SPTBN1: variants seen among roughly 807,000 people sequenced by gnomAD.
SPTBN1 encodes the protein spectrin beta chain, non-erythrocytic 1.
A neutral mutation model predicts 266.4 loss-of-function variants in SPTBN1; 32 were observed. That is an observed-to-expected ratio of 0.12 (90% confidence interval 0.09 to 0.16). SPTBN1 has a LOEUF of 0.16. SPTBN1 is among the 10% of genes least tolerant of loss of function. SPTBN1 has a pLI of 1.00. For synonymous variants in SPTBN1, 1,336 were observed against 1,162.2 expected (o/e 1.15, Z -3.04); for missense variants, 2,296 against 3,067.1 (o/e 0.75, Z 5.94).
intron 2 of SPTBN1, among the ~76,000 whole-genome samples, chr2:54,534,853 C>T (rs1280357403): frequency 2.0e-5 from 3 of 152,218 alleles, no homozygotes; most frequent in African/African-American, 4.8e-5. Context: ...ACTCATCCCC[C>T]TTCCTGGCCC....
At chr2:54,644,792 G>A (rs1313911883) in intron 20 of SPTBN1, among the ~76,000 whole-genome samples, 1 of 152,186 alleles carries the variant, frequency 6.6e-6, no homozygotes, top group South Asian at 2.1e-4. Context: ...ACAGTATTAG[G>A]AGTATTGGGT....
At chr2:54,600,695 C>G (rs1314436674) in intron 3 of SPTBN1, among the ~76,000 whole-genome samples, 2 of 149,192 alleles carry the variant, frequency 1.3e-5, no homozygotes, top group East Asian at 3.9e-4. Context: ...AGTGTTTAAC[C>G]TAGTATGTTT....
Position 54,492,347 on chromosome 2 carries a change from T to G in SPTBN1, c.-47-34025T>G, listed in dbSNP as rs866880260. Among the ~76,000 whole-genome samples, 229 of 148,374 alleles carry G rather than the reference T, an allele frequency of 1.5e-3. 6 individuals carry two copies. In the South Asian group the frequency reaches 0.022, roughly 14 times the overall value. ...ATTTAGTTTGTCTGCAGTTGTTTTT[T>G]TGTTTTTTTTTTTTTTTGCTACTAT... On this transcript the variant is annotated intron_variant, in intron 1 of 35. Transcript: ENST00000356805.
chr2:54,523,848 G>C (rs1006447355), intron 1 of SPTBN1, among the ~76,000 whole-genome samples: 2 of 152,162 alleles, frequency 1.3e-5, no homozygotes, highest in African/African-American at 4.8e-5. Context: ...ACTGAACAAG[G>C]CTTTCACTAA....
chr2:54,633,276 T>C (rs765347817), intron 17 of SPTBN1, among the ~76,000 whole-genome samples: 2 of 152,216 alleles, frequency 1.3e-5, no homozygotes, highest in Non-Finnish European at 2.9e-5. Flanking sequence ...TTGGCTTGGA[T>C]AGTGCTGTAA....
At chr2:54,508,979 C>T (rs1354431270) in intron 1 of SPTBN1, among the ~76,000 whole-genome samples, 1 of 152,164 alleles carries the variant, frequency 6.6e-6, no homozygotes, top group African/African-American at 2.4e-5. Flanking sequence ...TATTTAGAGT[C>T]AGTATAAATA....
intron 1 of SPTBN1, among the ~76,000 whole-genome samples, chr2:54,518,072 A>G (rs899110024): frequency 1.3e-5 from 2 of 151,918 alleles, no homozygotes; most frequent in Non-Finnish European, 2.9e-5. Context: ...GTTGTTAATT[A>G]TCATGCCGTG....
At chr2:54,523,206 C>T (rs1006928303) in intron 1 of SPTBN1, among the ~76,000 whole-genome samples, 33 of 152,090 alleles carry the variant, frequency 2.2e-4, no homozygotes, top group Admixed American at 3.9e-4. Flanking sequence ...TATACTTACT[C>T]GATTAGATTT....
chr2:54,549,080 C>A (rs767579480), intron 2 of SPTBN1, among the ~76,000 whole-genome samples: 3 of 152,146 alleles, frequency 2.0e-5, no homozygotes, highest in Non-Finnish European at 1.5e-5. Flanking sequence ...AAGGGTAGAT[C>A]ACTTGAGGTC....
intron 2 of SPTBN1, among the ~76,000 whole-genome samples, chr2:54,565,727 TCTGCTTCACAAGATTG>T (rs1673617923): frequency 6.6e-6 from 1 of 152,206 alleles, no homozygotes; most frequent in Non-Finnish European, 1.5e-5. Flanking sequence ...AACTGCCAGG[TCTGCTTCACAAGATTG>T]TGTTGACCAG....
In SPTBN1 at chr2:54,588,455, T is replaced by TG. The variant is rs769019845; in HGVS notation, c.149-10635dup. ...ACCATCCCACACTCCCTGTGTGGGA[T>TG]GGAGTGCCTCAGGTGCTTTGGGATT... On this transcript the variant is annotated intron_variant, in intron 2 of 35. Transcript: ENST00000356805. Among the ~76,000 whole-genome samples the TG allele has an allele frequency of 1.3e-4, 20 of 152,152 alleles. 1 individual carries two copies. Among genetic ancestry groups the TG allele is most frequent in the Admixed American group, 1.3e-3 (20 of 15,282 alleles).
chr2:54,665,948 C>A lies in SPTBN1; in HGVS notation c.6693C>A (p.Asn2231Lys), dbSNP rs144956670. The change falls in exon 34 of 36, where the codon AAC (asparagine) becomes AAA (lysine). Residue 2231 changes from asparagine (N) to lysine (K), a missense_variant. Transcript: ENST00000356805. Reference sequence around the variant, plus strand: ...ACAATGTTTATTGTGTCATAAATAACCAAGAAATGGGTTTCTACAAAGATG... The same window carrying A: ...ACAATGTTTATTGTGTCATAAATAAACAAGAAATGGGTTTCTACAAAGATG... ...SWHNVYCVIN[N>K]QEMGFYKDAK... 1.9e-6 allele frequency: 3 copies of A among 1,613,946 alleles called. No individual in the cohort carries two copies. In the East Asian group the frequency reaches 6.7e-5, roughly 36 times the overall value.
At position 54,608,118 on chromosome 2, in the gene SPTBN1, C is replaced by T. The variant is rs140687087; in HGVS notation, c.301-4043C>T. The stretch of plus-strand genomic sequence containing the variant: ...TTTCCCCTGTGAGGTCCGCTCAGCA[C>T]ACACCAAGCCCAGTCTGTCTGCTGG... On this transcript the variant is annotated intron_variant, in intron 3 of 35. Coordinates refer to ENST00000356805, the MANE Select transcript of SPTBN1 (RefSeq NM_003128.3). Among the ~76,000 whole-genome samples the T allele has an allele frequency of 5.9e-5, 9 of 152,252 alleles. No individual in the cohort carries two copies. In the East Asian group the frequency reaches 1.5e-3, roughly 26 times the overall value.
chr2:54,492,211 T>A (rs1668720857), intron 1 of SPTBN1, among the ~76,000 whole-genome samples: 1 of 152,158 alleles, frequency 6.6e-6, no homozygotes, highest in Admixed American at 6.5e-5. Context: ...TTTTATACCC[T>A]TTGTTTTTAT....
In SPTBN1 at chr2:54,471,619, G is replaced by A. The variant is rs1409387576; in HGVS notation, c.-48+15101G>A. On this transcript the variant is annotated intron_variant, in intron 1 of 35. Transcript: ENST00000356805. ...ATTCCAGCAAGGCTGTGCATCAAATGTTGGAATGTGTTGGAGAACTGCCAA... is the reference window on the plus strand; with the variant it reads ...ATTCCAGCAAGGCTGTGCATCAAATATTGGAATGTGTTGGAGAACTGCCAA... Among the ~76,000 whole-genome samples, 5 of 152,124 alleles carry A rather than the reference G, an allele frequency of 3.3e-5. No homozygotes were observed. In the South Asian group the frequency reaches 6.2e-4, roughly 19 times the overall value.
intron 1 of SPTBN1, among the ~76,000 whole-genome samples, chr2:54,462,497 A>G (rs1419514663): frequency 6.6e-6 from 1 of 152,224 alleles, no homozygotes; most frequent in Non-Finnish European, 1.5e-5. Context: ...AGTATTAATG[A>G]TCTTCCTTTA....
At chr2:54,638,249 T>C (rs1679286107) in intron 18 of SPTBN1, among the ~76,000 whole-genome samples, 2 of 152,370 alleles carry the variant, frequency 1.3e-5, no homozygotes, top group South Asian at 2.1e-4. Context: ...TGGATATTGA[T>C]GTCCTAGAAT....
rs938516736 is a variant in SPTBN1, at chr2:54,653,165, A to G, written c.5578-444A>G. 6.4e-6 allele frequency: 1 copy of G among 156,988 alleles called. No individual in the cohort carries two copies. The highest frequency in any genetic ancestry group is 1.4e-5 in the Non-Finnish European group (1 of 71,402). 9.7% of individuals were successfully genotyped at this position (156,988 alleles called of 1,614,324 possible). ...GAGAACTCTTACAGGCGATACATAC[A>G]TTGTATTCACATAGCAATGAGAAGT... On this transcript the variant is annotated intron_variant, in intron 26 of 35. Transcript: ENST00000356805. This position sits in a 1 kb window ranked among gnomAD's most constrained non-coding sequence, Gnocchi z 5.1.
chr2:54,482,146 T>C (rs1668132377), intron 1 of SPTBN1, among the ~76,000 whole-genome samples: 1 of 152,120 alleles, frequency 6.6e-6, no homozygotes, highest in Non-Finnish European at 1.5e-5. Context: ...CTATTAATGG[T>C]AGACATTTTC....
Sources: gnomAD v4.1 joint callset for allele counts (sites outside exome capture counted in the v4.1 genomes callset) on GRCh38, gnomAD v4.1.1 for gene constraint, Gnocchi (gnomAD v3.1) non-coding constraint, MANE v1.5 for transcripts, NCBI Gene and HGNC (gene_info 2026-07-23, HGNC 2026-07-21) for gene names.